The following GALNTL6 variants were observed in gnomAD, a reference collection of about 807,000 sequenced individuals.
GALNTL6 encodes the protein polypeptide N-acetylgalactosaminyltransferase like 6.
GALNTL6 carries 46 observed loss-of-function variants against 73.7 expected under a neutral mutation model. The observed-to-expected ratio is 0.62, with a 90% CI of 0.49 to 0.80. GALNTL6 has a LOEUF of 0.80. Ranked by LOEUF, GALNTL6 falls within the 30% of genes least tolerant of loss-of-function variation. GALNTL6 has a pLI of 0.00. For synonymous variants in GALNTL6, 259 were observed against 263.7 expected (o/e 0.98, Z 0.17); for missense variants, 604 against 755.0 (o/e 0.80, Z 2.34).
chr4:171,908,636 A>G (rs1052266451), intron 2 of GALNTL6, among the ~76,000 whole-genome samples: 40 of 151,150 alleles, frequency 2.6e-4, no homozygotes, highest in Non-Finnish European at 5.0e-4. Flanking sequence ...CAGCCATCCC[A>G]TTACTGGGTA....
At chr4:172,002,546 G>A (rs548963368) in intron 2 of GALNTL6, among the ~76,000 whole-genome samples, 6 of 152,160 alleles carry the variant, frequency 3.9e-5, no homozygotes, top group African/African-American at 1.4e-4. Context: ...TTTTTTTAAT[G>A]ATCTGTAATA....
At chr4:172,696,576 A>G (rs1205806624) in intron 5 of GALNTL6, among the ~76,000 whole-genome samples, 1 of 152,070 alleles carries the variant, frequency 6.6e-6, no homozygotes, top group African/African-American at 2.4e-5. Context: ...TCCACATTAT[A>G]CTTGTGATAG....
intron 9 of GALNTL6, among the ~76,000 whole-genome samples, chr4:172,940,493 G>T (rs1748860803): frequency 1.3e-5 from 2 of 151,916 alleles, no homozygotes. Context: ...CTCCCAAGTA[G>T]CTGGGACTAC....
chr4:172,757,557 CTGTCTCAACTT>C (rs1314662145), intron 5 of GALNTL6, among the ~76,000 whole-genome samples: 1 of 152,190 alleles, frequency 6.6e-6, no homozygotes, highest in African/African-American at 2.4e-5. Flanking sequence ...TTGAACTCCT[CTGTCTCAACTT>C]CCAGTCTCTA....
At chr4:172,647,079 GA>G (rs771836976) in intron 5 of GALNTL6, among the ~76,000 whole-genome samples, 3 of 151,988 alleles carry the variant, frequency 2.0e-5, no homozygotes, top group Non-Finnish European at 2.9e-5. Flanking sequence ...CCTAGGTAGG[GA>G]AAAATTAGGT....
At chr4:171,914,599 A>G (rs1490368955) in intron 2 of GALNTL6, among the ~76,000 whole-genome samples, 2 of 151,616 alleles carry the variant, frequency 1.3e-5, no homozygotes, top group South Asian at 2.1e-4. Context: ...TATTTTTAGT[A>G]GAGATGGGGT....
intron 5 of GALNTL6, among the ~76,000 whole-genome samples, chr4:172,430,180 A>T (rs1731388209): frequency 6.6e-6 from 1 of 151,996 alleles, no homozygotes; most frequent in Non-Finnish European, 1.5e-5. Context: ...AGTTCTTAGA[A>T]CTTGACAGTG....
intron 2 of GALNTL6, among the ~76,000 whole-genome samples, chr4:172,068,178 G>A (rs1731417327): frequency 9.3e-6 from 1 of 108,048 alleles, no homozygotes; most frequent in Admixed American, 9.6e-5. Flanking sequence ...GGGTTACCTC[G>A]CCAACACCAC....
intron 9 of GALNTL6, among the ~76,000 whole-genome samples, chr4:172,941,512 A>G (rs902991916): frequency 5.9e-5 from 9 of 152,168 alleles, no homozygotes; most frequent in Non-Finnish European, 1.2e-4. Flanking sequence ...GAGCATTTAC[A>G]TAACTTTCTT....
At chr4:172,400,871 T>G (rs1318612313) in intron 5 of GALNTL6, among the ~76,000 whole-genome samples, 1 of 152,160 alleles carries the variant, frequency 6.6e-6, no homozygotes, top group East Asian at 1.9e-4. Flanking sequence ...TCGACATCCT[T>G]GACTGTATGT....
At position 172,429,172 on chromosome 4, in the gene GALNTL6, TTTA is replaced by T. The variant is rs372863379; in HGVS notation, c.553+80489_553+80491del. Reference sequence around the variant, plus strand: ...GCCCCACCTCTTTATTTTATTTTGTTTTATTATTTTATTTTATTTTATATTATT... The same window carrying T: ...GCCCCACCTCTTTATTTTATTTTGTTTTATTTTATTTTATTTTATATTATT... On this transcript the variant is annotated intron_variant, in intron 5 of 12. Transcript: ENST00000506823. Among the ~76,000 whole-genome samples the T allele has an allele frequency of 6.7e-3, 762 of 113,244 alleles. 8 individuals are homozygous for T. Among genetic ancestry groups the T allele is most frequent in the African/African-American group, 0.022 (726 of 33,040 alleles). The allele number at this position is 113,244 out of a possible 152,430, so 74.3% of individuals were successfully genotyped here.
intron 7 of GALNTL6, among the ~76,000 whole-genome samples, chr4:172,829,740 A>G (rs1742518895): frequency 6.6e-6 from 1 of 152,234 alleles, no homozygotes; most frequent in African/African-American, 2.4e-5. Context: ...CTTGGTATCT[A>G]AAAGTTTAAC....
chr4:172,129,873 C>T (rs968345084), intron 2 of GALNTL6, among the ~76,000 whole-genome samples: 3 of 152,140 alleles, frequency 2.0e-5, no homozygotes, highest in Admixed American at 2.0e-4. Flanking sequence ...CCAGGGGTTG[C>T]CAATTTGTCT....
At chr4:172,522,678 C>CA (rs11342052) in intron 5 of GALNTL6, among the ~76,000 whole-genome samples, 12 of 102,202 alleles carry the variant, frequency 1.2e-4, no homozygotes, top group African/African-American at 4.2e-4. Flanking sequence ...CCCCCCCCCC[C>CA]AAAAAAAAAG....
At chr4:172,519,915 T>TA (rs796707821) in intron 5 of GALNTL6, among the ~76,000 whole-genome samples, 134 of 150,330 alleles carry the variant, frequency 8.9e-4, no homozygotes, top group African/African-American at 2.6e-3. Context: ...GATGCTATCA[T>TA]AAAAAAAAAT....
intron 5 of GALNTL6, among the ~76,000 whole-genome samples, chr4:172,349,551 T>C (rs1181232046): frequency 6.6e-6 from 1 of 152,150 alleles, no homozygotes; most frequent in Non-Finnish European, 1.5e-5. Flanking sequence ...CATCTTTTTT[T>C]CATAGTATTC....
chr4:171,955,303 T>C (rs968398995), intron 2 of GALNTL6, among the ~76,000 whole-genome samples: 2 of 152,050 alleles, frequency 1.3e-5, no homozygotes, highest in South Asian at 2.1e-4. Context: ...TTTAAAACCA[T>C]TTTTATTCAT....
In GALNTL6 at chr4:172,503,881, A is replaced by AAGTTTGGTGAATTCTTATCCATTCTGC. The variant is rs1579137073; in HGVS notation, c.553+155192_553+155193insAGTTTGGTGAATTCTTATCCATTCTGC. Among the ~76,000 whole-genome samples the AAGTTTGGTGAATTCTTATCCATTCTGC allele has an allele frequency of 4.7e-4, 28 of 59,764 alleles. 4 individuals are homozygous for AAGTTTGGTGAATTCTTATCCATTCTGC. Among genetic ancestry groups the AAGTTTGGTGAATTCTTATCCATTCTGC allele is most frequent in the Admixed American group, 1.3e-3 (6 of 4,540 alleles). 39.2% of individuals were successfully genotyped at this position (59,764 alleles called of 152,430 possible). A position where few individuals can be genotyped will look rare whatever the true frequency, so the allele number is the denominator to read the frequency against. The stretch of plus-strand genomic sequence containing the variant: ...ACAGGTGTAAGGACAGAGTCCAAGC[A>AAGTTTGGTGAATTCTTATCCATTCTGC]CAGATCACGCCTGTAATCCTAGCCC... On this transcript the variant is annotated intron_variant, in intron 5 of 12. Coordinates refer to ENST00000506823, the MANE Select transcript of GALNTL6 (RefSeq NM_001034845.3).
chr4:171,835,437 G>A (rs1052741743), intron 2 of GALNTL6, among the ~76,000 whole-genome samples: 1 of 151,162 alleles, frequency 6.6e-6, no homozygotes, highest in South Asian at 2.1e-4. Context: ...TACAACTATA[G>A]TTTATTTATA....
Sources: gnomAD v4.1 joint callset for allele counts (sites outside exome capture counted in the v4.1 genomes callset) on GRCh38, gnomAD v4.1.1 for gene constraint, MANE v1.5 for transcripts, NCBI Gene and HGNC (gene_info 2026-07-23, HGNC 2026-07-21) for gene names.